DENND2B: variants seen among roughly 807,000 people sequenced by gnomAD.
DENND2B encodes DENN domain containing 2B, also known as DENN domain-containing protein 2B.
DENND2B carries 32 observed loss-of-function variants against 116.0 expected under a neutral mutation model. The ratio of observed to expected loss-of-function variants is 0.28; its 90% CI spans 0.21 to 0.37. The LOEUF is 0.37. Among genes scored for constraint, DENND2B ranks in the 10% least tolerant of loss-of-function variants. DENND2B has a pLI of 1.00. For missense variants in DENND2B, 1,276 were observed against 1,477.7 expected (o/e 0.86, Z 2.24); for synonymous variants, 588 against 583.9 (o/e 1.01, Z -0.10).
intron 1 of DENND2B, chr11:8,768,931 C>T (rs931187889): frequency 6.6e-6 from 1 of 152,210 alleles, no homozygotes; most frequent in Admixed American, 6.5e-5. Context: ...TATAATTATA[C>T]ACTCAGGCAT....
At chr11:8,802,057 T>C (rs1462606692) in intron 1 of DENND2B, among the ~76,000 whole-genome samples, 2 of 150,108 alleles carry the variant, frequency 1.3e-5, no homozygotes, top group African/African-American at 4.9e-5. Context: ...TCCCAGCACT[T>C]TGGGAGGCCT....
chr11:8,819,115 C>T (rs186271338), intron 4 of DENND2B, among the ~76,000 whole-genome samples: 116 of 152,212 alleles, frequency 7.6e-4, no homozygotes, highest in African/African-American at 2.3e-3. Flanking sequence ...TAAGGAGAGG[C>T]GGGGCTTGGT....
chr11:8,714,774 G>A (rs974018860), intron 6 of DENND2B, 68 bp from the exon 7 acceptor site: 1 of 1,348,308 alleles, frequency 7.4e-7, no homozygotes. Flanking sequence ...AGAAGGCTGA[G>A]TAGGAGCCCA....
intron 4 of DENND2B, among the ~76,000 whole-genome samples, chr11:8,836,715 G>A (rs1008337506): frequency 6.6e-6 from 1 of 150,814 alleles, no homozygotes; most frequent in Non-Finnish European, 1.5e-5. Flanking sequence ...CACCGCGCCC[G>A]GCTACTTTGT....
chr11:8,817,678 C>T (rs567239048), intron 4 of DENND2B, among the ~76,000 whole-genome samples: 1 of 152,216 alleles, frequency 6.6e-6, no homozygotes, highest in East Asian at 1.9e-4. Context: ...GTCATCCAGC[C>T]CTAGTTCACC....
intron 1 of DENND2B, among the ~76,000 whole-genome samples, chr11:8,766,458 G>A (rs1348905273): frequency 1.3e-5 from 2 of 152,152 alleles, no homozygotes; most frequent in Admixed American, 1.3e-4. Flanking sequence ...AGACAGCCCA[G>A]AAGCCTGCCG....
chr11:8,721,038 A>G (rs75960930), intron 4 of DENND2B, among the ~76,000 whole-genome samples: 5,392 of 152,134 alleles, frequency 0.035, 295 homozygotes, highest in East Asian at 0.13. Flanking sequence ...AGGGACGAAG[A>G]GGTGGACCCT....
intron 1 of DENND2B, 30 bp downstream of exon 1, chr11:8,810,487 C>CA (rs2061293821): frequency 2.6e-5 from 4 of 152,278 alleles, no homozygotes. Context: ...GAAAGGAGGC[C>CA]AAATGATCCC....
At chr11:8,875,438 A>G (rs889135003), upstream of DENND2B, among the ~76,000 whole-genome samples, 1 of 150,612 alleles carries the variant, frequency 6.6e-6, no homozygotes. Context: ...TAATTTTACT[A>G]TTCTTATTTT....
At chr11:8,744,814 T>C (rs1470511715) in intron 2 of DENND2B, among the ~76,000 whole-genome samples, 1 of 152,154 alleles carries the variant, frequency 6.6e-6, no homozygotes, top group African/African-American at 2.4e-5. Flanking sequence ...GGGTAGCAGA[T>C]ATACATTCTC....
chr11:8,717,568 ACCT>A (rs1474865654), intron 5 of DENND2B, among the ~76,000 whole-genome samples, 170 bp downstream of exon 5: 1 of 151,914 alleles, frequency 6.6e-6, no homozygotes, highest in East Asian at 1.9e-4. Context: ...TGCTGAGGAG[ACCT>A]CCTTTATCAG....
intron 4 of DENND2B, among the ~76,000 whole-genome samples, chr11:8,818,832 G>A (rs752491770): frequency 1.4e-4 from 22 of 151,964 alleles, no homozygotes; most frequent in Non-Finnish European, 2.2e-4. Context: ...AACTAAAAAG[G>A]GTATTAATAA....
intron 4 of DENND2B, among the ~76,000 whole-genome samples, chr11:8,724,958 C>T (rs986862567): frequency 6.6e-6 from 1 of 152,228 alleles, no homozygotes; most frequent in Non-Finnish European, 1.5e-5. Flanking sequence ...TCCACCTGGG[C>T]CTTCTCCACA....
chr11:8,863,476 G>A lies in DENND2B; in HGVS notation c.-249-6040C>T, dbSNP rs568928169. 6.6e-5 allele frequency among the ~76,000 whole-genome samples: 10 copies of A among 151,922 alleles called. No homozygotes were observed. In the East Asian group the frequency reaches 9.7e-4, roughly 15 times the overall value. On this transcript the variant is annotated intron_variant, in intron 2 of 6. Transcript: ENST00000524757. ...TCTCTATCTCCTGACCTTGAGATCCGCTCGCCTCGGCCTCCTAAAGTGCTG... is the reference window on the plus strand; with the variant it reads ...TCTCTATCTCCTGACCTTGAGATCCACTCGCCTCGGCCTCCTAAAGTGCTG...
intron 4 of DENND2B, among the ~76,000 whole-genome samples, chr11:8,835,081 C>T (rs1347760507): frequency 6.6e-6 from 1 of 151,894 alleles, no homozygotes; most frequent in African/African-American, 2.4e-5. Flanking sequence ...CCTATCTCTA[C>T]AAAAATACAA....
intron 1 of DENND2B, among the ~76,000 whole-genome samples, chr11:8,757,981 G>A (rs1464397809): frequency 6.6e-6 from 1 of 152,186 alleles, no homozygotes; most frequent in Non-Finnish European, 1.5e-5. Context: ...GAACAGAGCA[G>A]GAATGTAGAC....
At position 8,702,054 on chromosome 11, in the gene DENND2B, C is replaced by A. The variant is rs2041800636; in HGVS notation, c.2720+518G>T. On this transcript the variant is annotated intron_variant, in intron 14 of 19. Coordinates refer to ENST00000313726, the MANE Select transcript of DENND2B (RefSeq NM_213618.2). The surrounding 1 kb of genome is among the most constrained non-coding windows in gnomAD (Gnocchi z 4.6). ...ATCCTTCTCCCCAGCCCTCCCATTG[C>A]CCAGCCCTGGGCCACTGCAGTTGCC... Among the ~76,000 whole-genome samples the A allele has an allele frequency of 6.6e-6, 1 of 152,136 alleles. No individual in the cohort carries two copies. Among genetic ancestry groups the A allele is most frequent in the South Asian group, 2.1e-4 (1 of 4,828 alleles).
At chr11:8,865,088 C>T (rs1475815153) in intron 2 of DENND2B, among the ~76,000 whole-genome samples, 1 of 151,016 alleles carries the variant, frequency 6.6e-6, no homozygotes, top group African/African-American at 2.4e-5. Flanking sequence ...ATTTCTAATG[C>T]TACTAACAAA....
rs1396815598 is a variant in DENND2B at position 8,712,040 on chromosome 11, G to C, written c.2172+511C>G. 4.4e-6 allele frequency: 2 copies of C among 454,992 alleles called. No homozygotes were observed. The highest frequency in any genetic ancestry group is 8.8e-6 in the Non-Finnish European group (2 of 226,672). 28.2% of individuals were successfully genotyped at this position (454,992 alleles called of 1,614,324 possible). Reference sequence around the variant, plus strand: ...AAGAGCTGGAGAAAGCACATTCCTGGCAGAGGCAATGGCAGAGAGAGAGGG... The same window carrying C: ...AAGAGCTGGAGAAAGCACATTCCTGCCAGAGGCAATGGCAGAGAGAGAGGG... On this transcript the variant is annotated intron_variant, in intron 9 of 19. Coordinates refer to ENST00000313726, the MANE Select transcript of DENND2B (RefSeq NM_213618.2). The surrounding 1 kb of genome is among the most constrained non-coding windows in gnomAD (Gnocchi z 4.4).
Sources: gnomAD v4.1 joint callset for allele counts (sites outside exome capture counted in the v4.1 genomes callset) on GRCh38, gnomAD v4.1.1 for gene constraint, Gnocchi (gnomAD v3.1) non-coding constraint, MANE v1.5 for transcripts, NCBI Gene and HGNC (gene_info 2026-07-23, HGNC 2026-07-21) for gene names.